MED16: variants seen among roughly 807,000 people sequenced by gnomAD.
MED16 encodes the protein mediator complex subunit 16, also known as mediator of RNA polymerase II transcription subunit 16.
MED16 carries 81 observed loss-of-function variants against 84.4 expected under a neutral mutation model. The observed-to-expected ratio is 0.96, with a 90% CI of 0.80 to 1.15. The LOEUF (loss-of-function observed/expected upper bound fraction) is 1.15, where lower values mean the gene tolerates loss of function less well. Among genes scored for constraint, MED16 ranks in the 50% most tolerant of loss-of-function variants. MED16 has a pLI of 0.00. For missense variants in MED16, 1,585 were observed against 1,245.9 expected, an observed-to-expected ratio of 1.27 and a Z score of -4.10; for synonymous variants, 897 against 552.2, an observed-to-expected ratio of 1.62 and a Z score of -8.76.
intron 11 of MED16, chr19:872,882 G>A (rs1471221052): frequency 2.3e-6 from 2 of 864,756 alleles, no homozygotes; most frequent in Non-Finnish European, 2.8e-6. Flanking sequence ...AGAATGGGCA[G>A]GAAGGGTGTG....
intron 7 of MED16, among the ~76,000 whole-genome samples, chr19:880,504 TA>T (rs2036397878): frequency 6.6e-6 from 1 of 151,874 alleles, no homozygotes; most frequent in African/African-American, 2.4e-5. Context: ...AGAGGCATCT[TA>T]GGGTGGTGGG....
rs1349343410 is a variant in MED16 at position 868,069 on chromosome 19, G to A, written c.*32C>T. 1.3e-6 allele frequency: 2 copies of A among 1,574,462 alleles called. No individual in the cohort carries two copies. The highest frequency in any genetic ancestry group is 1.4e-5 in the African/African-American group (1 of 72,786). ...GAAACCGAGGAGACGCCCGAGCCGG[G>A]TCACCACAAGGTCCGCCTGGACCCC... On this transcript the variant is annotated 3_prime_UTR_variant, in exon 16 of 16. Transcript: ENST00000325464.
chr19:872,575 G>C (rs1276756540), intron 11 of MED16, among the ~76,000 whole-genome samples: 1 of 151,892 alleles, frequency 6.6e-6, no homozygotes, highest in Non-Finnish European at 1.5e-5. Context: ...GGTGGAGAAG[G>C]GCGGGCCCCA....
At chr19:877,546 G>A (rs1024130141) in intron 8 of MED16, among the ~76,000 whole-genome samples, 9 of 151,530 alleles carry the variant, frequency 5.9e-5, no homozygotes, top group African/African-American at 1.5e-4. Context: ...TCAACAAGAC[G>A]AACCCATCAC....
chr19:877,640 TCCCAGC>T lies in MED16; in HGVS notation c.1354-466_1354-461del, dbSNP rs1222476864. On this transcript the variant is annotated intron_variant, in intron 8 of 15. Transcript: ENST00000325464. ...CCGGGGGCGCCTCCCTCTGGCACCC[TCCCAGC>T]CCCAGCCCCAGCCCCAGACCCACGT... Among the ~76,000 whole-genome samples, 523 of 94,534 alleles carry T rather than the reference TCCCAGC, an allele frequency of 5.5e-3. 3 individuals carry two copies. Among genetic ancestry groups the T allele is most frequent in the Middle Eastern group, 0.028 (5 of 178 alleles). The allele number at this position is 94,534 out of a possible 152,430, so 62.0% of individuals were successfully genotyped here. A position where few individuals can be genotyped will look rare whatever the true frequency, so the allele number is the denominator to read the frequency against.
rs572352451 is a variant in MED16 at position 892,136 on chromosome 19, G to A, written c.-19+950C>T. Among the ~76,000 whole-genome samples the A allele has an allele frequency of 1.4e-4, 21 of 152,176 alleles. No homozygotes were observed. In the South Asian group the frequency reaches 3.5e-3, roughly 26 times the overall value. The stretch of plus-strand genomic sequence containing the variant: ...TTTCTAAGCGCCTGGCATCCAGACG[G>A]GCTGTTTCGCTTCGCAAAGGCAAAA... On this transcript the variant is annotated intron_variant, in intron 1 of 15. Transcript: ENST00000325464.
chr19:880,860 G>A (rs1049333070), intron 7 of MED16, among the ~76,000 whole-genome samples: 89 of 151,052 alleles, frequency 5.9e-4, no homozygotes, highest in African/African-American at 2.0e-3. Context: ...AGGAGGCGGA[G>A]GTTGCAGTGA....
chr19:868,015 G>C lies in MED16; in HGVS notation c.*86C>G, dbSNP rs2035953954. On this transcript the variant is annotated 3_prime_UTR_variant, in exon 16 of 16. Transcript: ENST00000325464. ...GTCCTTCCCAGCCGCTGCTTGTCCAGGTTCAGCGCTCTCCGCGGGTGAGGC... is the reference window on the plus strand; with the variant it reads ...GTCCTTCCCAGCCGCTGCTTGTCCACGTTCAGCGCTCTCCGCGGGTGAGGC... 6.7e-7 allele frequency: 1 copy of C among 1,485,808 alleles called. No individual in the cohort carries two copies. The highest frequency in any genetic ancestry group is 1.4e-5 in the African/African-American group (1 of 71,124). The allele number at this position is 1,485,808 out of a possible 1,614,324, so 92.0% of individuals were successfully genotyped here. A position where few individuals can be genotyped will look rare whatever the true frequency, so the allele number is the denominator to read the frequency against.
chr19:872,858 G>A (rs1473249207), intron 11 of MED16: 2 of 694,324 alleles, frequency 2.9e-6, no homozygotes, highest in Non-Finnish European at 3.6e-6. Context: ...CAGGGCCTGG[G>A]AGGCGGGGCT....
At chr19:886,487 G>T (rs2036530631) in intron 4 of MED16, among the ~76,000 whole-genome samples, 1 of 152,210 alleles carries the variant, frequency 6.6e-6, no homozygotes, top group South Asian at 2.1e-4. Flanking sequence ...TTCTGTAAAG[G>T]GACAGACAGC....
chr19:873,365 T>A, intron 11 of MED16, 84 bp downstream of exon 11: 1 of 1,274,782 alleles, frequency 7.8e-7, no homozygotes, highest in Non-Finnish European at 1.0e-6. Flanking sequence ...GAGGTGGTTT[T>A]GAGGGGCAGG....
chr19:885,945 C>T lies in MED16; in HGVS notation c.704G>A (p.Ser235Asn). ...CTTGTAGAACTGCACGGGCGACGCG[C>T]TGCTGCCGTCCGCCGTGGCCACCAC... ...NIVVATADGSSASPVQFYKVC... is the reference protein window; with the variant it reads ...NIVVATADGSNASPVQFYKVC... Residue 235 changes from serine (S) to asparagine (N), a missense_variant, in exon 5 of 16, where the codon AGC (serine) becomes AAC (asparagine). Physicochemically the swap from Ser to Asn is conservative, Grantham distance 46. Transcript: ENST00000325464. 6.2e-7 allele frequency: 1 copy of T among 1,612,740 alleles called. No individual in the cohort carries two copies. The highest frequency in any genetic ancestry group is 1.1e-5 in the South Asian group (1 of 91,084).
At chr19:882,495 G>C (rs575622227) in intron 6 of MED16, among the ~76,000 whole-genome samples, 2 of 152,320 alleles carry the variant, frequency 1.3e-5, no homozygotes, top group Admixed American at 6.5e-5. Flanking sequence ...CTGCACTCCA[G>C]CCTGGGCAAC....
intron 6 of MED16, 129 bp downstream of exon 6, chr19:884,774 A>G: frequency 1.4e-6 from 1 of 690,052 alleles, no homozygotes; most frequent in Non-Finnish European, 2.5e-6. Context: ...CTGGAGATCG[A>G]GGCGAGACGA....
intron 7 of MED16, 100 bp from the exon 8 acceptor site, chr19:880,248 C>T (rs2145227983): frequency 1.7e-6 from 2 of 1,160,226 alleles, no homozygotes; most frequent in African/African-American, 3.2e-5. Context: ...CCGGGGCTGC[C>T]CATCCAGGGG....
chr19:884,527 T>C (rs1193818713), intron 6 of MED16, among the ~76,000 whole-genome samples: 1 of 152,014 alleles, frequency 6.6e-6, no homozygotes, highest in East Asian at 1.9e-4. Context: ...CCCTGCCCGG[T>C]CTGGCCTGTC....
intron 15 of MED16, 49 bp from the exon 16 acceptor site, chr19:868,300 C>G: frequency 1.9e-6 from 3 of 1,587,102 alleles, no homozygotes; most frequent in Non-Finnish European, 2.6e-6. Context: ...CCAGGGCGAG[C>G]GGTGGCTCTT....
chr19:873,775 C>A (rs551579725), intron 10 of MED16, among the ~76,000 whole-genome samples, 193 bp from the exon 11 acceptor site: 2 of 152,110 alleles, frequency 1.3e-5, no homozygotes, highest in African/African-American at 2.4e-5. Context: ...GCCTGCCCCC[C>A]CCCGGGGGCC....
chr19:868,067 G>A lies in MED16; in HGVS notation c.*34C>T, dbSNP rs776886424. On this transcript the variant is annotated 3_prime_UTR_variant, in exon 16 of 16. Transcript: ENST00000325464. ...AGGAAACCGAGGAGACGCCCGAGCC[G>A]GGTCACCACAAGGTCCGCCTGGACC... The A allele has an allele frequency of 5.4e-5, 85 of 1,571,772 alleles. 1 individual carries two copies. Among genetic ancestry groups the A allele is most frequent in the African/African-American group, 1.9e-4 (14 of 72,694 alleles).
Sources: gnomAD v4.1 joint callset for allele counts (sites outside exome capture counted in the v4.1 genomes callset) on GRCh38, gnomAD v4.1.1 for gene constraint, MANE v1.5 for transcripts, NCBI Gene and HGNC (gene_info 2026-07-23, HGNC 2026-07-21) for gene names.